AKT3: variants seen among roughly 807,000 people sequenced by gnomAD.
AKT3 encodes AKT serine/threonine kinase 3, also known as RAC-gamma serine/threonine-protein kinase.
In AKT3, 15 loss-of-function variants were observed where a neutral mutation model predicts 65.3. That is an observed-to-expected ratio of 0.23 (90% CI 0.15 to 0.35). The LOEUF (loss-of-function observed/expected upper bound fraction) is 0.35. AKT3 is among the 10% of genes least tolerant of loss of function. AKT3 has a pLI of 1.00. For synonymous variants in AKT3, 206 were observed against 183.8 expected (o/e 1.12, Z -0.98); for missense variants, 243 against 576.5 (o/e 0.42, Z 5.92).
At chr1:243,749,259 C>T (rs1022963707) in intron 2 of AKT3, among the ~76,000 whole-genome samples, 1 of 152,110 alleles carries the variant, frequency 6.6e-6, no homozygotes, top group Non-Finnish European at 1.5e-5. Flanking sequence ...TACTAAATCA[C>T]GAAACTAAAC....
intron 10 of AKT3, among the ~76,000 whole-genome samples, chr1:243,560,290 T>C (rs1255339433): frequency 1.3e-5 from 2 of 152,158 alleles, no homozygotes; most frequent in African/African-American, 4.8e-5. Context: ...CATCGTTGTA[T>C]TCCCAGTACC....
intron 3 of AKT3, among the ~76,000 whole-genome samples, chr1:243,667,740 AAGT>A (rs1682896262): frequency 1.3e-5 from 2 of 152,150 alleles, no homozygotes; most frequent in Admixed American, 1.3e-4. Context: ...TAAGGCCTTT[AAGT>A]GATCAGCAGG....
chr1:243,570,944 T>A (rs1674515626), intron 9 of AKT3, among the ~76,000 whole-genome samples: 2 of 152,220 alleles, frequency 1.3e-5, no homozygotes, highest in Non-Finnish European at 2.9e-5. Context: ...AGTAGGTACT[T>A]TATATTGCAG....
intron 3 of AKT3, among the ~76,000 whole-genome samples, chr1:243,667,961 TC>T (rs1196859987): frequency 6.6e-6 from 1 of 152,200 alleles, no homozygotes; most frequent in African/African-American, 2.4e-5. Context: ...CTCTTAGACA[TC>T]CTATTTAATA....
downstream of AKT3, among the ~76,000 whole-genome samples, chr1:243,495,198 C>A (rs1244461510): frequency 1.3e-5 from 2 of 152,214 alleles, no homozygotes; most frequent in African/African-American, 4.8e-5. Context: ...AGAGCCAGGG[C>A]CTCCACCCCG....
At chr1:243,671,149 G>C (rs1417475439) in intron 3 of AKT3, among the ~76,000 whole-genome samples, 1 of 150,954 alleles carries the variant, frequency 6.6e-6, no homozygotes, top group Non-Finnish European at 1.5e-5. Context: ...CGCAATCTCG[G>C]CTCATGCAAG....
intron 3 of AKT3, among the ~76,000 whole-genome samples, chr1:243,674,672 T>C (rs1250659536): frequency 1.3e-5 from 2 of 152,194 alleles, no homozygotes; most frequent in African/African-American, 4.8e-5. Context: ...AGTAGGGACT[T>C]AAAAGATTTA....
chr1:243,620,315 C>T (rs1214399394), intron 6 of AKT3, among the ~76,000 whole-genome samples: 2 of 98,400 alleles, frequency 2.0e-5, no homozygotes, highest in African/African-American at 5.2e-5. Context: ...GTCAATTAAA[C>T]CTCTTTTCTT....
chr1:243,637,810 ATG>A, intron 5 of AKT3, 68 bp from the exon 6 acceptor site: 1 of 1,163,124 alleles, frequency 8.6e-7, no homozygotes, highest in Non-Finnish European at 1.2e-6. Flanking sequence ...GCATATATAT[ATG>A]TGTTTGCAAT....
intron 3 of AKT3, among the ~76,000 whole-genome samples, chr1:243,684,180 T>A (rs1386971866): frequency 6.6e-6 from 1 of 152,186 alleles, no homozygotes; most frequent in Non-Finnish European, 1.5e-5. Context: ...ATTATACTTT[T>A]AAGTTCTGGG....
At chr1:243,615,267 G>T (rs1323397856) in intron 6 of AKT3, 106 bp from the exon 7 acceptor site, 2 of 824,136 alleles carry the variant, frequency 2.4e-6, no homozygotes, top group Middle Eastern at 2.7e-4. Context: ...AGATTGAAAA[G>T]GATTTTAAAA....
At chr1:243,722,668 GA>G (rs1241942517) in intron 2 of AKT3, among the ~76,000 whole-genome samples, 1 of 152,104 alleles carries the variant, frequency 6.6e-6, no homozygotes, top group Non-Finnish European at 1.5e-5. Context: ...CACTGAAAAA[GA>G]TGGAAAATTT....
At chr1:243,807,772 G>A (rs1437124763) in intron 2 of AKT3, among the ~76,000 whole-genome samples, 1 of 152,198 alleles carries the variant, frequency 6.6e-6, no homozygotes, top group Non-Finnish European at 1.5e-5. Context: ...GCCTAACTGG[G>A]AGGCAACCCC....
intron 2 of AKT3, among the ~76,000 whole-genome samples, chr1:243,699,113 CCAGAA>C (rs1483181614): frequency 1.3e-5 from 2 of 151,890 alleles, no homozygotes; most frequent in African/African-American, 2.4e-5. Flanking sequence ...GGCTAAGTAC[CCAGAA>C]CAAAGTACAC....
At chr1:243,792,919 G>A (rs145722012) in intron 2 of AKT3, among the ~76,000 whole-genome samples, 174 of 152,194 alleles carry the variant, frequency 1.1e-3, no homozygotes, top group African/African-American at 4.0e-3. Context: ...TCAACACCCC[G>A]TATAAACCCA....
intron 2 of AKT3, among the ~76,000 whole-genome samples, chr1:243,750,543 C>CA (rs1209392147): frequency 1.1e-4 from 16 of 151,948 alleles, no homozygotes; most frequent in Admixed American, 9.2e-4. Flanking sequence ...CTACTCTTTA[C>CA]CGGTAAGTTA....
chr1:243,789,238 T>C (rs1010981584), intron 2 of AKT3, among the ~76,000 whole-genome samples: 23 of 152,172 alleles, frequency 1.5e-4, no homozygotes, highest in African/African-American at 5.1e-4. Context: ...TTTAAAAAAT[T>C]AGCCAGGCAC....
At chr1:243,705,969 T>C (rs1410278203) in intron 2 of AKT3, among the ~76,000 whole-genome samples, 1 of 152,218 alleles carries the variant, frequency 6.6e-6, no homozygotes, top group Admixed American at 6.5e-5. Flanking sequence ...TAAACTATTA[T>C]AAATATAGAC....
intron 8 of AKT3, among the ~76,000 whole-genome samples, chr1:243,589,250 G>A (rs1213559866): frequency 2.8e-5 from 4 of 140,492 alleles, no homozygotes; most frequent in African/African-American, 1.1e-4. Flanking sequence ...AGGTTGCAGT[G>A]AGCCGAGATT....
Sources: gnomAD v4.1 joint callset for allele counts (sites outside exome capture counted in the v4.1 genomes callset) on GRCh38, gnomAD v4.1.1 for gene constraint, MANE v1.5 for transcripts, NCBI Gene and HGNC (gene_info 2026-07-23, HGNC 2026-07-21) for gene names.